Variants in CLVS2 observed in about 807,000 individuals in gnomAD.
The protein encoded by CLVS2 is clavesin-2.
In CLVS2, 19 loss-of-function variants were observed where a neutral mutation model predicts 29.0. The observed-to-expected ratio is 0.66, with a 90% CI of 0.46 to 0.96. The LOEUF (loss-of-function observed/expected upper bound fraction) is 0.96, where lower values mean the gene tolerates loss of function less well. Ranked by LOEUF, CLVS2 falls within the 40% of genes least tolerant of loss-of-function variation. CLVS2 has a pLI of 0.00. For synonymous variants in CLVS2, 161 were observed against 151.3 expected (o/e 1.06, Z -0.47); for missense variants, 294 against 404.1 (o/e 0.73, Z 2.34).
At chr6:123,047,294 C>A (rs1473347146) in intron 3 of CLVS2, among the ~76,000 whole-genome samples, 10 of 151,770 alleles carry the variant, frequency 6.6e-5, no homozygotes, top group Admixed American at 6.6e-4. Flanking sequence ...ATATACTATG[C>A]CTGTATTCAG....
intron 3 of CLVS2, among the ~76,000 whole-genome samples, 193 bp downstream of exon 3, chr6:123,011,352 C>CACTAGTA (rs1774745621): frequency 6.6e-6 from 1 of 152,084 alleles, no homozygotes; most frequent in East Asian, 1.9e-4. Flanking sequence ...GAGTTTGTGA[C>CACTAGTA]ACTAGTACAG....
chr6:123,012,471 G>GAACTCAT (rs1182595203), intron 3 of CLVS2, among the ~76,000 whole-genome samples: 5 of 151,476 alleles, frequency 3.3e-5, no homozygotes, highest in Non-Finnish European at 7.4e-5. Context: ...AAGGACTGGA[G>GAACTCAT]AACTCATATT....
At chr6:123,062,773 C>A (rs1364829680) in intron 5 of CLVS2, among the ~76,000 whole-genome samples, 1 of 152,168 alleles carries the variant, frequency 6.6e-6, no homozygotes, top group African/African-American at 2.4e-5. Context: ...AGGCATATTG[C>A]CACAGCAAAA....
intron 3 of CLVS2, among the ~76,000 whole-genome samples, chr6:123,033,221 C>G (rs1775107667): frequency 6.6e-6 from 1 of 151,940 alleles, no homozygotes; most frequent in Non-Finnish European, 1.5e-5. Context: ...TTTAATTTAT[C>G]TTTTAGAGAA....
At chr6:123,055,745 T>C in intron 4 of CLVS2, 61 bp from the exon 5 acceptor site, 2 of 1,194,970 alleles carry the variant, frequency 1.7e-6, no homozygotes, top group Non-Finnish European at 2.5e-6. Context: ...CCCTGTAGGA[T>C]TTAGATGGTA....
chr6:123,034,287 G>T (rs1405672739), intron 3 of CLVS2, among the ~76,000 whole-genome samples: 1 of 152,060 alleles, frequency 6.6e-6, no homozygotes, highest in Non-Finnish European at 1.5e-5. Flanking sequence ...ATTCATAATA[G>T]CCAAAAACTG....
intron 3 of CLVS2, among the ~76,000 whole-genome samples, chr6:123,040,442 G>A (rs76197827): frequency 2.0e-5 from 3 of 151,608 alleles, no homozygotes; most frequent in East Asian, 3.9e-4. Context: ...CAAAACAGAC[G>A]AGAAAAAGAA....
intron 5 of CLVS2, among the ~76,000 whole-genome samples, chr6:123,059,027 A>G (rs1320839784): frequency 6.6e-6 from 1 of 152,078 alleles, no homozygotes; most frequent in African/African-American, 2.4e-5. Context: ...GGCTTACAAG[A>G]TGCTACCTGA....
intron 2 of CLVS2, among the ~76,000 whole-genome samples, chr6:123,008,192 T>G (rs913710531): frequency 6.6e-6 from 1 of 152,120 alleles, no homozygotes; most frequent in Non-Finnish European, 1.5e-5. Flanking sequence ...ATGTTTCTTT[T>G]TCTAAACTTC....
At chr6:123,000,702 C>T (rs987332358) in intron 2 of CLVS2, among the ~76,000 whole-genome samples, 5 of 152,166 alleles carry the variant, frequency 3.3e-5, no homozygotes, top group African/African-American at 7.2e-5. Context: ...TCTCACCTTC[C>T]AGGCCCTGAT....
At chr6:123,000,277 C>T (rs1235387098) in intron 2 of CLVS2, among the ~76,000 whole-genome samples, 10 of 152,182 alleles carry the variant, frequency 6.6e-5, no homozygotes, top group Admixed American at 5.9e-4. Flanking sequence ...TGATTTAGAG[C>T]TTAGTCAAAA....
At chr6:123,041,641 A>G (rs1165601247) in intron 3 of CLVS2, among the ~76,000 whole-genome samples, 1 of 152,188 alleles carries the variant, frequency 6.6e-6, no homozygotes, top group Non-Finnish European at 1.5e-5. Context: ...CACATATAGA[A>G]TGGGGAAATG....
intron 3 of CLVS2, among the ~76,000 whole-genome samples, chr6:123,025,110 G>A (rs549390341): frequency 4.4e-4 from 67 of 152,188 alleles, no homozygotes; most frequent in African/African-American, 1.4e-3. Flanking sequence ...TGTTTTCAAA[G>A]AGATTTACAG....
Position 123,004,314 on chromosome 6 carries a change from C to T in CLVS2, c.389+6148C>T, listed in dbSNP as rs554652790. Among the ~76,000 whole-genome samples the T allele has an allele frequency of 9.9e-5, 15 of 152,266 alleles. No homozygotes were observed. The East Asian group carries it at 2.9e-3, about 29-fold the overall frequency. ...GTCTTCTTCAGAGAAAGACATTTTG[C>T]CCGCAGATGTTTCATTTCCAACGAT... On this transcript the variant is annotated intron_variant, in intron 2 of 5. Transcript: ENST00000275162.
At chr6:123,021,386 G>T (rs1277955380) in intron 3 of CLVS2, among the ~76,000 whole-genome samples, 3 of 151,768 alleles carry the variant, frequency 2.0e-5, no homozygotes, top group African/African-American at 4.8e-5. Context: ...ACCGGGAGGG[G>T]ATCTTTTTAT....
chr6:123,048,701 G>A lies in CLVS2; in HGVS notation c.644G>A (p.Arg215Gln), dbSNP rs760174151. The change falls in exon 4 of 6, where the codon CGG becomes CAG. Residue 215 changes from arginine to glutamine, a missense_variant. Physicochemically the swap from Arg to Gln is conservative, Grantham distance 43. This residue lies in a region of CLVS2 where 212 missense variants were observed against 336.4 expected (regional missense o/e 0.63). Coordinates refer to ENST00000275162, the MANE Select transcript of CLVS2 (RefSeq NM_001010852.4). Reference protein sequence around the residue: ...WYIHALYTVIRPFLKEKTRKR... With the variant: ...WYIHALYTVIQPFLKEKTRKR... ...ATCCATGCCCTGTACACCGTGATCCGGCCTTTCCTGAAGGAGAAAACTCGG... is the reference window on the plus strand; with the variant it reads ...ATCCATGCCCTGTACACCGTGATCCAGCCTTTCCTGAAGGAGAAAACTCGG... 5 of 1,612,706 alleles carry A rather than the reference G, an allele frequency of 3.1e-6. No individual in the cohort carries two copies. The highest frequency in any genetic ancestry group is 1.1e-5 in the South Asian group (1 of 90,992).
intron 3 of CLVS2, among the ~76,000 whole-genome samples, chr6:123,013,440 T>G (rs1438600866): frequency 2.0e-5 from 3 of 151,916 alleles, no homozygotes; most frequent in Non-Finnish European, 4.4e-5. Context: ...TCTGCTATCA[T>G]GTCACCTTTA....
intron 3 of CLVS2, among the ~76,000 whole-genome samples, chr6:123,014,864 C>T (rs773274093): frequency 3.0e-4 from 45 of 151,996 alleles, no homozygotes; most frequent in Admixed American, 9.8e-4. Context: ...TAAATAGCAT[C>T]TAGATATTTT....
Position 122,998,064 on chromosome 6 carries a change from T to C in CLVS2, c.287T>C (p.Ile96Thr). The change falls in exon 2 of 6, where the codon ATC becomes ACC. Residue 96 changes from isoleucine (I) to threonine (T), a missense_variant. Coordinates refer to ENST00000275162, the MANE Select transcript of CLVS2 (RefSeq NM_001010852.4). Reference protein sequence around the residue: ...FKSFKATDPGIKQALKDGFPG... With the variant: ...FKSFKATDPGTKQALKDGFPG... ...AGCTTTAAGGCCACCGACCCTGGCA[T>C]CAAGCAGGCACTGAAGGATGGCTTC... is the stretch of plus-strand genomic sequence containing the variant. 1 of 1,614,184 alleles carries C rather than the reference T, an allele frequency of 6.2e-7. No individual in the cohort carries two copies. The highest frequency in any genetic ancestry group is 8.5e-7 in the Non-Finnish European group (1 of 1,180,034).
Sources: allele counts gnomAD v4.1 joint callset (sites outside exome capture counted in the v4.1 genomes callset), GRCh38; gene constraint gnomAD v4.1.1; regional missense constraint gnomAD v4.1.1; transcripts MANE v1.5; gene names NCBI Gene and HGNC (gene_info 2026-07-23, HGNC 2026-07-21).